Variants in TENM2 observed in about 807,000 individuals in gnomAD.
The protein encoded by TENM2 is teneurin transmembrane protein 2.
In TENM2, 52 loss-of-function variants were observed where a neutral mutation model predicts 245.2. The observed-to-expected ratio is 0.21, with a 90% CI of 0.17 to 0.27. The LOEUF (loss-of-function observed/expected upper bound fraction) is 0.27, where lower values mean the gene tolerates loss of function less well. TENM2 is among the 10% of genes least tolerant of loss of function. TENM2 has a pLI of 1.00. For synonymous variants in TENM2, 1,363 were observed against 1,438.9 expected, an observed-to-expected ratio of 0.95 and a Z score of 1.19; for missense variants, 3,046 against 3,666.8, an observed-to-expected ratio of 0.83 and a Z score of 4.37.
the TENM2 span, among the ~76,000 whole-genome samples, chr5:167,108,821 C>CT: frequency 1.3e-5 from 2 of 152,176 alleles, no homozygotes; most frequent in Non-Finnish European, 2.9e-5. Context: ...CCTAATATGA[C>CT]TTTTTTTCAG....
intron 2 of TENM2, among the ~76,000 whole-genome samples, chr5:167,650,776 A>T (rs1244016813): frequency 6.6e-6 from 1 of 152,150 alleles, no homozygotes; most frequent in African/African-American, 2.4e-5. Flanking sequence ...CGTCACCTGG[A>T]TGTTCTGTGA....
chr5:167,602,610 A>C (rs1221662114), intron 2 of TENM2, among the ~76,000 whole-genome samples: 18 of 152,132 alleles, frequency 1.2e-4, no homozygotes, highest in Admixed American at 1.2e-3. Flanking sequence ...AAAAGAAACT[A>C]CTTCTTTGTG....
intron 3 of TENM2, among the ~76,000 whole-genome samples, chr5:167,904,261 G>A (rs554005019): frequency 1.3e-5 from 2 of 152,268 alleles, no homozygotes; most frequent in African/African-American, 2.4e-5. Context: ...AGGAGCATGG[G>A]TTAGAGGATC....
intron 3 of TENM2, among the ~76,000 whole-genome samples, chr5:167,890,271 A>C (rs1774641468): frequency 1.3e-5 from 2 of 152,192 alleles, no homozygotes; most frequent in South Asian, 4.1e-4. Context: ...TGAGTCGCCG[A>C]ATCTGTCGCC....
chr5:167,653,619 C>A (rs530149597), intron 2 of TENM2: 2 of 152,050 alleles, frequency 1.3e-5, no homozygotes, highest in Non-Finnish European at 2.9e-5. Context: ...TTTATTTTTG[C>A]ATCCCCAGTG....
chr5:168,095,458 A>G (rs180781084), intron 8 of TENM2, among the ~76,000 whole-genome samples: 5 of 152,294 alleles, frequency 3.3e-5, no homozygotes, highest in Non-Finnish European at 7.3e-5. Context: ...CTTCAGAGTC[A>G]CCTGCATAGA....
chr5:167,346,329 G>T (rs1315527678), intron 1 of TENM2, among the ~76,000 whole-genome samples: 1 of 152,148 alleles, frequency 6.6e-6, no homozygotes, highest in Non-Finnish European at 1.5e-5. Flanking sequence ...GCATGAGATA[G>T]CTCCTATTCA....
intron 15 of TENM2, among the ~76,000 whole-genome samples, chr5:168,197,686 C>A (rs903091318): frequency 1.5e-5 from 2 of 132,078 alleles, no homozygotes; most frequent in Non-Finnish European, 1.5e-5. Context: ...GGCCCCAGAG[C>A]GAGACTCCAT....
At chr5:167,302,606 T>G (rs1755407416) in intron 1 of TENM2, among the ~76,000 whole-genome samples, 1 of 144,914 alleles carries the variant, frequency 6.9e-6, no homozygotes, top group African/African-American at 2.6e-5. Flanking sequence ...GGTCAGGGCG[T>G]GGAAAAGGAT....
chr5:167,186,348 C>G, the TENM2 span, among the ~76,000 whole-genome samples: 1 of 152,150 alleles, frequency 6.6e-6, no homozygotes, highest in African/African-American at 2.4e-5. Flanking sequence ...CTTTGTGACC[C>G]AGGCTTAAAT....
chr5:167,222,344 A>T, the TENM2 span, among the ~76,000 whole-genome samples: 1 of 152,154 alleles, frequency 6.6e-6, no homozygotes, highest in East Asian at 1.9e-4. Context: ...GGTCAGAAGT[A>T]CTATCTATAG....
At chr5:168,070,342 A>C (rs1004050215) in intron 7 of TENM2, among the ~76,000 whole-genome samples, 9 of 152,212 alleles carry the variant, frequency 5.9e-5, no homozygotes. Context: ...AGTTCTAATC[A>C]AACATTTTTC....
At chr5:166,981,814 C>A in the TENM2 span, among the ~76,000 whole-genome samples, 1 of 151,988 alleles carries the variant, frequency 6.6e-6, no homozygotes, top group Non-Finnish European at 1.5e-5. Flanking sequence ...AGTTTCCTGG[C>A]AACTTCTGAA....
At chr5:168,097,489 A>G (rs374313944) in intron 8 of TENM2, among the ~76,000 whole-genome samples, 10 of 152,246 alleles carry the variant, frequency 6.6e-5, no homozygotes, top group East Asian at 3.9e-4. Flanking sequence ...CAATGGCGCA[A>G]TCTCAGCTCA....
At chr5:168,101,273 G>A (rs746503965) in intron 9 of TENM2, among the ~76,000 whole-genome samples, 1 of 152,164 alleles carries the variant, frequency 6.6e-6, no homozygotes, top group Non-Finnish European at 1.5e-5. Flanking sequence ...TTTATATGTG[G>A]CTGCAAATGG....
chr5:167,832,586 T>TGGATGGATGGAGGCAG (rs1048111457), intron 2 of TENM2, among the ~76,000 whole-genome samples: 1 of 151,984 alleles, frequency 6.6e-6, no homozygotes. Context: ...CAAGTGTGGA[T>TGGATGGATGGAGGCAG]GGATGGATGG....
At chr5:167,097,261 A>T in the TENM2 span, among the ~76,000 whole-genome samples, 1 of 152,188 alleles carries the variant, frequency 6.6e-6, no homozygotes, top group African/African-American at 2.4e-5. Flanking sequence ...TTAAAAATTC[A>T]GGATGTTATT....
At chr5:167,607,571 T>G (rs1777145594) in intron 2 of TENM2, among the ~76,000 whole-genome samples, 2 of 152,228 alleles carry the variant, frequency 1.3e-5, no homozygotes, top group Non-Finnish European at 2.9e-5. Context: ...ACCCATCAAC[T>G]AAGGCATTGC....
At chr5:168,070,012 T>C (rs1489450377) in intron 7 of TENM2, among the ~76,000 whole-genome samples, 1 of 152,148 alleles carries the variant, frequency 6.6e-6, no homozygotes, top group African/African-American at 2.4e-5. Context: ...CTGGGAAATT[T>C]GATGAAGATA....
Sources: allele counts gnomAD v4.1 joint callset (sites outside exome capture counted in the v4.1 genomes callset), GRCh38; gene constraint gnomAD v4.1.1; transcripts MANE v1.5; gene names NCBI Gene and HGNC (gene_info 2026-07-23, HGNC 2026-07-21).